VPS8: variants seen among roughly 807,000 people sequenced by gnomAD.
VPS8 encodes vacuolar protein sorting-associated protein 8 homolog.
Under a neutral mutation model 216.4 loss-of-function variants are expected in VPS8, and 129 were observed. The observed-to-expected ratio is 0.60, with a 90% confidence interval of 0.52 to 0.69. VPS8 has a LOEUF of 0.69. Among genes scored for constraint, VPS8 ranks in the 30% least tolerant of loss-of-function variants. The pLI, the probability that VPS8 is intolerant of heterozygous loss-of-function variation, is 0.00. For synonymous variants in VPS8, 571 were observed against 565.4 expected, an observed-to-expected ratio of 1.01 and a Z score of -0.14; for missense variants, 1,531 against 1,683.5, an observed-to-expected ratio of 0.91 and a Z score of 1.59.
At chr3:184,874,886 C>T (rs576822372) in intron 21 of VPS8, among the ~76,000 whole-genome samples, 10 of 152,058 alleles carry the variant, frequency 6.6e-5, no homozygotes, top group African/African-American at 1.9e-4. Context: ...TGGGATTAGC[C>T]GTATTGCTCC....
At chr3:184,845,755 CAAAAAAAAAAA>C (rs36003760) in intron 8 of VPS8, among the ~76,000 whole-genome samples, 1 of 80,610 alleles carries the variant, frequency 1.2e-5, no homozygotes, top group African/African-American at 4.7e-5. Context: ...AACTCCGTCT[CAAAAAAAAAAA>C]AAAAAAAAAT....
At chr3:184,897,335 G>A (rs907726049) in intron 23 of VPS8, among the ~76,000 whole-genome samples, 2 of 152,110 alleles carry the variant, frequency 1.3e-5, no homozygotes, top group African/African-American at 4.8e-5. Flanking sequence ...GGGTGTGAGA[G>A]TGTGGGAATG....
intron 22 of VPS8, among the ~76,000 whole-genome samples, chr3:184,889,863 T>C (rs1732016600): frequency 6.6e-6 from 1 of 152,198 alleles, no homozygotes; most frequent in African/African-American, 2.4e-5. Flanking sequence ...GAAGGAAAGA[T>C]TGAATAAGCC....
intron 10 of VPS8, among the ~76,000 whole-genome samples, chr3:184,850,238 A>G (rs958803076): frequency 6.6e-6 from 1 of 152,230 alleles, no homozygotes; most frequent in Non-Finnish European, 1.5e-5. Flanking sequence ...ATGGGCTAGT[A>G]TGGAAATACT....
Position 185,051,873 on chromosome 3 carries a change from C to A in VPS8, c.4138-3C>A. 6.3e-7 allele frequency: 1 copy of A among 1,593,622 alleles called. No individual in the cohort carries two copies. The highest frequency in any genetic ancestry group is 8.5e-7 in the Non-Finnish European group (1 of 1,170,134). ...TTAGCTGATGTGTGTCCTTCCTTTG[C>A]AGCTGGCTCTCCTCACGGAACTCTC... On this transcript the variant is annotated splice_polypyrimidine_tract_variant and splice_region_variant and intron_variant, in intron 47 of 47. Coordinates refer to ENST00000625842, the MANE Select transcript of VPS8 (RefSeq NM_001009921.3).
At chr3:184,869,682 G>C (rs2108772651) in intron 20 of VPS8, among the ~76,000 whole-genome samples, 154 bp downstream of exon 20, 1 of 152,062 alleles carries the variant, frequency 6.6e-6, no homozygotes, top group South Asian at 2.1e-4. Context: ...TGGGGTCAGG[G>C]GTTCAAGACT....
chr3:184,928,494 A>G lies in VPS8; in HGVS notation c.2675A>G (p.Glu892Gly), dbSNP rs768378985. 1.7e-5 allele frequency: 26 copies of G among 1,535,796 alleles called. No individual in the cohort carries two copies. Among genetic ancestry groups the G allele is most frequent in the Admixed American group, 7.2e-5 (3 of 41,768 alleles). ...CAGGCTGGAGGCATAGTTCAATTTGAAGAGAGTCGACTCATCCGGATGGCA... is the reference window on the plus strand; with the variant it reads ...CAGGCTGGAGGCATAGTTCAATTTGGAGAGAGTCGACTCATCCGGATGGCA... ...LLQAGGIVQF[E>G]ESRLIRMAEK... is the part of the protein sequence containing the mutation. The change falls in exon 32 of 48, where the codon GAA (glutamate) becomes GGA (glycine). Residue 892 changes from glutamate (E) to glycine (G), a missense_variant. Glu to Gly is a moderately conservative substitution (Grantham distance 98). Transcript: ENST00000625842.
chr3:184,931,457 C>T (rs1480628688), intron 34 of VPS8, among the ~76,000 whole-genome samples: 2 of 151,950 alleles, frequency 1.3e-5, no homozygotes, highest in South Asian at 2.1e-4. Flanking sequence ...AGTAAAGATA[C>T]GATTATTCAA....
chr3:184,878,618 T>C (rs1729709266), intron 21 of VPS8, among the ~76,000 whole-genome samples: 1 of 152,168 alleles, frequency 6.6e-6, no homozygotes, highest in Non-Finnish European at 1.5e-5. Context: ...GTCTAACCCA[T>C]ACCTCCTCTG....
At chr3:184,819,471 T>C (rs1458162146) in intron 1 of VPS8, among the ~76,000 whole-genome samples, 2 of 152,218 alleles carry the variant, frequency 1.3e-5, no homozygotes, top group African/African-American at 4.8e-5. Flanking sequence ...AGTGGTTCAT[T>C]ATCAACCTTT....
chr3:184,878,579 C>G (rs1216304982), intron 21 of VPS8, among the ~76,000 whole-genome samples: 1 of 152,172 alleles, frequency 6.6e-6, no homozygotes, highest in African/African-American at 2.4e-5. Flanking sequence ...ACAAGCCAAA[C>G]ACAGAGCGAG....
chr3:184,844,775 T>C (rs934031507), intron 8 of VPS8, among the ~76,000 whole-genome samples: 2 of 152,252 alleles, frequency 1.3e-5, no homozygotes, highest in African/African-American at 2.4e-5. Flanking sequence ...GATACAGATA[T>C]AATTCAGGGC....
At chr3:184,993,841 T>G (rs991475930) in intron 42 of VPS8, 142 bp from the exon 43 acceptor site, 2 of 657,718 alleles carry the variant, frequency 3.0e-6, no homozygotes, top group South Asian at 2.3e-5. Flanking sequence ...ATGGTACATT[T>G]CCGGTGGAAA....
At chr3:184,863,368 G>T (rs115125680) in intron 16 of VPS8, among the ~76,000 whole-genome samples, 1 of 152,274 alleles carries the variant, frequency 6.6e-6, no homozygotes, top group African/African-American at 2.4e-5. Flanking sequence ...GAGAAAAATT[G>T]TAAAAATCAA....
chr3:184,917,767 T>C (rs1737872806), intron 28 of VPS8, among the ~76,000 whole-genome samples: 1 of 152,214 alleles, frequency 6.6e-6, no homozygotes, highest in Non-Finnish European at 1.5e-5. Flanking sequence ...AAGAAAAATA[T>C]ATTAATTTTA....
At chr3:184,877,378 G>T (rs1027788122) in intron 21 of VPS8, among the ~76,000 whole-genome samples, 2 of 152,158 alleles carry the variant, frequency 1.3e-5, no homozygotes, top group Non-Finnish European at 2.9e-5. Flanking sequence ...ATAAATAGTT[G>T]TTGAGAGAAT....
chr3:184,851,368 C>A (rs1724218374), intron 10 of VPS8, among the ~76,000 whole-genome samples: 1 of 152,142 alleles, frequency 6.6e-6, no homozygotes, highest in Non-Finnish European at 1.5e-5. Flanking sequence ...CTACTGACAT[C>A]AGCCACTTGC....
chr3:184,856,519 C>G lies in VPS8; in HGVS notation c.1143+701C>G, dbSNP rs73051355. On this transcript the variant is annotated intron_variant, in intron 14 of 47. Transcript: ENST00000625842. ...GTTTCCTAGCTCAGTGAAGCAAGTTCACCACTGTCCACCTAGTTTCTCCAG... is the reference window on the plus strand; with the variant it reads ...GTTTCCTAGCTCAGTGAAGCAAGTTGACCACTGTCCACCTAGTTTCTCCAG... Among the ~76,000 whole-genome samples the G allele has an allele frequency of 2.8e-3, 420 of 152,290 alleles. 1 individual carries two copies. Among genetic ancestry groups the G allele is most frequent in the African/African-American group, 9.0e-3 (376 of 41,562 alleles).
rs5855042 is a variant in VPS8, at chr3:184,830,454, T to TTA, written c.223-2235_223-2234insTA. ...TAAGTTTTAGAATTAGTTTATCAGTTCACACACACACACACACACACACAC... is the reference window on the plus strand; with the variant it reads ...TAAGTTTTAGAATTAGTTTATCAGTTTACACACACACACACACACACACACAC... On this transcript the variant is annotated intron_variant, in intron 3 of 47. Transcript: ENST00000625842. Among the ~76,000 whole-genome samples the TTA allele has an allele frequency of 3.1e-3, 463 of 147,798 alleles. 1 individual carries two copies. The highest frequency in any genetic ancestry group is 5.3e-3 in the Non-Finnish European group (349 of 66,388).
Sources: gnomAD v4.1 joint callset for allele counts (sites outside exome capture counted in the v4.1 genomes callset) on GRCh38, gnomAD v4.1.1 for gene constraint, MANE v1.5 for transcripts, NCBI Gene and HGNC (gene_info 2026-07-23, HGNC 2026-07-21) for gene names.